Variants in CPEB3 observed in about 807,000 individuals in gnomAD.
The protein encoded by CPEB3 is cytoplasmic polyadenylation element binding protein 3.
CPEB3 carries 20 observed loss-of-function variants against 67.2 expected under a neutral mutation model. That is an observed-to-expected ratio of 0.30 (90% CI 0.21 to 0.43). The LOEUF is 0.43. CPEB3 is among the 20% of genes least tolerant of loss of function. CPEB3 has a pLI of 1.00. For missense variants in CPEB3, 746 were observed against 968.6 expected, an observed-to-expected ratio of 0.77 and a Z score of 3.05; for synonymous variants, 376 against 393.1, an observed-to-expected ratio of 0.96 and a Z score of 0.51.
chr10:92,232,967 G>A (rs1235322575), intron 2 of CPEB3, among the ~76,000 whole-genome samples: 2 of 152,110 alleles, frequency 1.3e-5, no homozygotes, highest in Non-Finnish European at 2.9e-5. Context: ...AACGTTTCTA[G>A]TAGCACAAAA....
intron 1 of CPEB3, among the ~76,000 whole-genome samples, chr10:92,254,139 G>C (rs1459630660): frequency 6.6e-6 from 1 of 151,758 alleles, no homozygotes; most frequent in Non-Finnish European, 1.5e-5. Context: ...TGAGGTGGGA[G>C]GACTGCTTGA....
intron 2 of CPEB3, among the ~76,000 whole-genome samples, chr10:92,209,174 TA>T (rs892303934): frequency 9.2e-5 from 14 of 152,002 alleles, no homozygotes; most frequent in South Asian, 8.3e-4. Context: ...AGCTGTTATT[TA>T]AAAAAAAATT....
chr10:92,118,890 G>A (rs1845180203), intron 6 of CPEB3: 3 of 884,388 alleles, frequency 3.4e-6, no homozygotes, highest in Non-Finnish European at 5.8e-6. Context: ...ACTGCTTTGA[G>A]GGCAGGGGCC....
In CPEB3 at chr10:92,192,569, C is replaced by T. The variant is rs1180143817; in HGVS notation, c.1073G>A (p.Arg358Lys). 1.2e-6 allele frequency: 2 copies of T among 1,613,764 alleles called. No individual in the cohort carries two copies. The highest frequency in any genetic ancestry group is 1.7e-5 in the Admixed American group (1 of 60,018). The change falls in exon 3 of 10, where the codon AGG (arginine) becomes AAG (lysine). Residue 358 changes from arginine to lysine, a missense_variant. By Grantham distance (26) the Arg-to-Lys change is conservative. Around this residue, in one of 2 missense-constraint regions of CPEB3, gnomAD observed 643 missense variants for 717.5 expected, o/e 0.90. Transcript: ENST00000265997. ...ACCTTTCAGAGGTTCATGATCAGTC[C>T]TTATCATATCCATTAAGGAGTTCTC... is the stretch of plus-strand genomic sequence containing the variant. ...SLENSLMDMI[R>K]TDHEPLKGKH...
chr10:92,279,821 A>T (rs1842176982), intron 1 of CPEB3, among the ~76,000 whole-genome samples: 1 of 152,026 alleles, frequency 6.6e-6, no homozygotes, highest in African/African-American at 2.4e-5. Flanking sequence ...ACCAGCCTGG[A>T]CAACATGGCG....
intron 7 of CPEB3, among the ~76,000 whole-genome samples, chr10:92,110,289 A>G (rs1045406741): frequency 2.6e-5 from 4 of 152,002 alleles, no homozygotes; most frequent in Non-Finnish European, 5.9e-5. Flanking sequence ...TCTGTGTCAT[A>G]TTTTTACTCT....
intron 2 of CPEB3, among the ~76,000 whole-genome samples, chr10:92,201,998 C>A (rs887850748): frequency 1.3e-5 from 2 of 152,142 alleles, no homozygotes; most frequent in African/African-American, 4.8e-5. Context: ...ATGCTTACCT[C>A]ACATTTAAAT....
intron 6 of CPEB3, among the ~76,000 whole-genome samples, chr10:92,119,566 T>A (rs1845232002): frequency 6.6e-6 from 1 of 152,148 alleles, no homozygotes. Context: ...TCCCACTGCC[T>A]GTGGGTTGCT....
intron 2 of CPEB3, among the ~76,000 whole-genome samples, chr10:92,222,738 C>T (rs1268311101): frequency 6.6e-6 from 1 of 152,120 alleles, no homozygotes; most frequent in Admixed American, 6.6e-5. Flanking sequence ...CAAATGGAGA[C>T]ATAAAATGCA....
At chr10:92,247,282 A>G (rs1447639258) in intron 1 of CPEB3, among the ~76,000 whole-genome samples, 1 of 152,118 alleles carries the variant, frequency 6.6e-6, no homozygotes, top group African/African-American at 2.4e-5. Flanking sequence ...CAGTGGCACA[A>G]CCTCAGCTAA....
At chr10:92,240,550 C>G (rs1196970829) in intron 1 of CPEB3, among the ~76,000 whole-genome samples, 189 bp from the exon 2 acceptor site, 1 of 152,140 alleles carries the variant, frequency 6.6e-6, no homozygotes, top group African/African-American at 2.4e-5. Context: ...AGGTGTCGAG[C>G]AAGGTCTCTA....
At chr10:92,178,704 T>A (rs1848333581) in intron 4 of CPEB3, among the ~76,000 whole-genome samples, 1 of 151,964 alleles carries the variant, frequency 6.6e-6, no homozygotes, top group Non-Finnish European at 1.5e-5. Flanking sequence ...ATACATATTT[T>A]AAAAAAGAAG....
chr10:92,092,082 C>T (rs1564771022), intron 7 of CPEB3, 138 bp from the exon 8 acceptor site: 14 of 655,904 alleles, frequency 2.1e-5, no homozygotes, highest in Middle Eastern at 2.6e-4. Context: ...AATTAGTTAA[C>T]GTAATCTGCA....
At chr10:92,284,400 G>C (rs1412215109) in intron 1 of CPEB3, among the ~76,000 whole-genome samples, 7 of 152,058 alleles carry the variant, frequency 4.6e-5, no homozygotes, top group African/African-American at 9.7e-5. Context: ...TCCTAGGGTA[G>C]GGCAAAATTC....
intron 6 of CPEB3, among the ~76,000 whole-genome samples, chr10:92,120,098 C>CAA (rs34785763): frequency 2.2e-5 from 1 of 45,238 alleles, no homozygotes; most frequent in Non-Finnish European, 3.7e-5. Flanking sequence ...ACTAAAAATA[C>CAA]AAAAAAAAAA....
chr10:92,111,050 G>T, intron 7 of CPEB3, 26 bp downstream of exon 7: 1 of 1,469,876 alleles, frequency 6.8e-7, no homozygotes, highest in African/African-American at 1.4e-5. Flanking sequence ...CTCTGGAAAA[G>T]CAACAGCTGG....
Position 92,052,473 on chromosome 10 carries a change from T to C in CPEB3, c.1870-34A>G, listed in dbSNP as rs771871745. ...AAAGAGGAAAGACAGAGAAAAATGA[T>C]TTAGCAAAGCTTCCTTACATGTCTT... On this transcript the variant is annotated intron_variant, in intron 9 of 9. Coordinates refer to ENST00000265997, the MANE Select transcript of CPEB3 (RefSeq NM_014912.5). The C allele has an allele frequency of 8.3e-6, 13 of 1,574,666 alleles. No homozygotes were observed. The African/African-American group carries it at 1.3e-4, about 16-fold the overall frequency.
chr10:92,094,317 T>G (rs1347754829), intron 7 of CPEB3, among the ~76,000 whole-genome samples: 4 of 151,806 alleles, frequency 2.6e-5, no homozygotes, highest in Non-Finnish European at 5.9e-5. Context: ...AAAAATGCAG[T>G]TCTGGCTGGG....
rs1339694322 is a variant in CPEB3, at chr10:92,119,493, A to G, written c.1454-8299T>C. Among the ~76,000 whole-genome samples, 3 of 152,090 alleles carry G rather than the reference A, an allele frequency of 2.0e-5. No homozygotes were observed. In the East Asian group the frequency reaches 5.8e-4, roughly 29 times the overall value. ...GTCAGCTTTTGGTTCCTTCTTCCTGAGACAGTAGAAACAATACCAGCTCTG... is the reference window on the plus strand; with the variant it reads ...GTCAGCTTTTGGTTCCTTCTTCCTGGGACAGTAGAAACAATACCAGCTCTG... On this transcript the variant is annotated intron_variant, in intron 6 of 9. Coordinates refer to ENST00000265997, the MANE Select transcript of CPEB3 (RefSeq NM_014912.5).
Sources: gnomAD v4.1 joint callset for allele counts (sites outside exome capture counted in the v4.1 genomes callset) on GRCh38, gnomAD v4.1.1 for gene constraint, gnomAD v4.1.1 regional missense constraint, MANE v1.5 for transcripts, NCBI Gene and HGNC (gene_info 2026-07-23, HGNC 2026-07-21) for gene names.